NRG1: variants seen among roughly 807,000 people sequenced by gnomAD.
The protein encoded by NRG1 is pro-neuregulin-1, membrane-bound isoform.
Under a neutral mutation model 63.8 loss-of-function variants are expected in NRG1, and 18 were observed. The ratio of observed to expected loss-of-function variants is 0.28; its 90% CI spans 0.19 to 0.42. NRG1 has a LOEUF of 0.42. Ranked by LOEUF, NRG1 falls within the 10% of genes least tolerant of loss-of-function variation. The probability of loss-of-function intolerance (pLI) is 1.00; values close to 1 mark genes in which losing one functional copy is unlikely to be tolerated. For synonymous variants in NRG1, 302 were observed against 301.3 expected, an observed-to-expected ratio of 1.00 and a Z score of -0.02; for missense variants, 762 against 814.7, an observed-to-expected ratio of 0.94 and a Z score of 0.79.
chr8:31,653,320 T>A (rs1296965950), intron 1 of NRG1, among the ~76,000 whole-genome samples: 3 of 152,114 alleles, frequency 2.0e-5, no homozygotes, highest in African/African-American at 7.2e-5. Flanking sequence ...TCATGGAAGA[T>A]GTATTAGTTA....
chr8:31,732,566 A>T (rs1319767664), intron 1 of NRG1, among the ~76,000 whole-genome samples: 5 of 152,148 alleles, frequency 3.3e-5, no homozygotes, highest in Non-Finnish European at 7.4e-5. Flanking sequence ...GTAGCATTAA[A>T]GTCAGGACTT....
intron 1 of NRG1, among the ~76,000 whole-genome samples, chr8:32,157,383 C>T (rs1838225648): frequency 7.2e-6 from 1 of 138,432 alleles, no homozygotes; most frequent in Admixed American, 7.4e-5. Context: ...AAAAAAAGGC[C>T]GGGCATGGCG....
exon 3 of NRG1, chr8:32,605,614 A>G: frequency 1.2e-6 from 2 of 1,613,562 alleles, no homozygotes; most frequent in Non-Finnish European, 1.7e-6. Context: ...TGGAGAGTAT[A>G]TGTGCAAAGT....
At chr8:32,531,498 G>A (rs1831449077) in intron 1 of NRG1, among the ~76,000 whole-genome samples, 1 of 151,978 alleles carries the variant, frequency 6.6e-6, no homozygotes, top group African/African-American at 2.4e-5. Context: ...CTTACTTTCT[G>A]TGCCAAAGAT....
chr8:31,872,046 A>C (rs1358386945), intron 1 of NRG1, among the ~76,000 whole-genome samples: 2 of 152,146 alleles, frequency 1.3e-5, no homozygotes, highest in Non-Finnish European at 2.9e-5. Flanking sequence ...GTCTCCCTTG[A>C]CTTTGATTGA....
In NRG1 at chr8:32,201,436, C is replaced by G. The variant is rs201695279; in HGVS notation, c.38-394392C>G. Among the ~76,000 whole-genome samples, 3 of 152,182 alleles carry G rather than the reference C, an allele frequency of 2.0e-5. No homozygotes were observed. The East Asian group carries it at 5.8e-4, about 29-fold the overall frequency. ...AATATGAAATCATTTAAAGCAGTTA[C>G]CTTTTCTAAACAATTCCATGGACTC... is the stretch of plus-strand genomic sequence containing the variant. On this transcript the variant is annotated intron_variant, in intron 1 of 10. Transcript: ENST00000519301.
intron 11 of NRG1, chr8:32,763,323 G>A (rs1279997975): frequency 1.9e-6 from 3 of 1,613,838 alleles, no homozygotes; most frequent in Non-Finnish European, 2.5e-6. Context: ...TTCCCCATTT[G>A]GGCTTCATTC....
intron 1 of NRG1, among the ~76,000 whole-genome samples, chr8:31,910,171 C>T (rs1412428262): frequency 6.6e-6 from 1 of 152,156 alleles, no homozygotes; most frequent in Non-Finnish European, 1.5e-5. Flanking sequence ...GACGATGACA[C>T]ATAGGAAAGA....
At chr8:32,514,620 G>GT (rs1476229216) in intron 1 of NRG1, among the ~76,000 whole-genome samples, 1 of 151,544 alleles carries the variant, frequency 6.6e-6, no homozygotes, top group Non-Finnish European at 1.5e-5. Flanking sequence ...TTTTGTTTTT[G>GT]TTTTTAATAC....
intron 1 of NRG1, among the ~76,000 whole-genome samples, chr8:32,267,905 C>G (rs1327413881): frequency 6.6e-6 from 1 of 152,128 alleles, no homozygotes; most frequent in African/African-American, 2.4e-5. Context: ...AAAATGGTCC[C>G]CGTGATCCCT....
intron 1 of NRG1, among the ~76,000 whole-genome samples, chr8:31,976,531 T>A (rs1390828607): frequency 6.6e-6 from 1 of 152,126 alleles, no homozygotes; most frequent in South Asian, 2.1e-4. Context: ...TGAGAAGATA[T>A]AGCAAAATAA....
intron 1 of NRG1, among the ~76,000 whole-genome samples, chr8:32,581,442 A>T (rs1840614469): frequency 6.6e-6 from 1 of 152,196 alleles, no homozygotes; most frequent in Non-Finnish European, 1.5e-5. Flanking sequence ...CTTGATATGG[A>T]GTGTTTGAAT....
chr8:31,687,358 C>T (rs1229366987), intron 1 of NRG1, among the ~76,000 whole-genome samples: 3 of 152,194 alleles, frequency 2.0e-5, no homozygotes, highest in Non-Finnish European at 4.4e-5. Context: ...AGTCAAGCAG[C>T]TGAGACATTC....
chr8:32,618,548 G>C (rs1185601327), intron 5 of NRG1, among the ~76,000 whole-genome samples: 1 of 152,028 alleles, frequency 6.6e-6, no homozygotes, highest in Non-Finnish European at 1.5e-5. Flanking sequence ...TTTGATATTT[G>C]GCAATGGTTT....
chr8:31,869,160 C>T (rs1829261872), intron 1 of NRG1, among the ~76,000 whole-genome samples: 1 of 152,140 alleles, frequency 6.6e-6, no homozygotes, highest in South Asian at 2.1e-4. Context: ...TTGACCTTAT[C>T]CTAACAACTT....
chr8:31,858,706 T>C (rs577244370), intron 1 of NRG1, among the ~76,000 whole-genome samples: 5 of 152,280 alleles, frequency 3.3e-5, no homozygotes, highest in Admixed American at 1.3e-4. Context: ...CTGGGAAGGA[T>C]GTTCAGCAAA....
At chr8:31,847,839 G>A (rs1189813969) in intron 1 of NRG1, among the ~76,000 whole-genome samples, 2 of 152,158 alleles carry the variant, frequency 1.3e-5, no homozygotes, top group Admixed American at 1.3e-4. Context: ...TAACATTGTT[G>A]TATCAATCCA....
chr8:32,575,102 AC>A (rs1696126538), intron 1 of NRG1, among the ~76,000 whole-genome samples: 2 of 152,164 alleles, frequency 1.3e-5, no homozygotes, highest in African/African-American at 4.8e-5. Context: ...CCCTAGGAAT[AC>A]CTCTTCTTCT....
At chr8:32,275,317 A>G (rs956028852) in intron 1 of NRG1, among the ~76,000 whole-genome samples, 1 of 152,068 alleles carries the variant, frequency 6.6e-6, no homozygotes. Context: ...AAAATAACAC[A>G]AAATGCTTGC....
Sources: allele counts gnomAD v4.1 joint callset (sites outside exome capture counted in the v4.1 genomes callset), GRCh38; gene constraint gnomAD v4.1.1; transcripts MANE v1.5; gene names NCBI Gene and HGNC (gene_info 2026-07-23, HGNC 2026-07-21).